FMN1: variants seen among roughly 807,000 people sequenced by gnomAD.
FMN1 encodes the protein formin 1.
Under a neutral mutation model 132.4 loss-of-function variants are expected in FMN1, and 110 were observed. That is an observed-to-expected ratio of 0.83 (90% CI 0.71 to 0.97). The LOEUF (loss-of-function observed/expected upper bound fraction) is 0.97. Ranked by LOEUF, FMN1 falls within the 50% of genes least tolerant of loss-of-function variation. FMN1 has a pLI of 0.00. For missense variants in FMN1, 1,792 were observed against 1,705.3 expected (o/e 1.05, Z -0.90); for synonymous variants, 722 against 651.7 (o/e 1.11, Z -1.64).
chr15:33,079,377 G>T (rs539468666), intron 5 of FMN1, among the ~76,000 whole-genome samples: 1 of 152,146 alleles, frequency 6.6e-6, no homozygotes, highest in South Asian at 2.1e-4. Context: ...ATCCCAGCAC[G>T]CAGGAAGGCT....
chr15:32,938,295 G>A (rs1669385366), intron 9 of FMN1, among the ~76,000 whole-genome samples: 1 of 152,068 alleles, frequency 6.6e-6, no homozygotes, highest in African/African-American at 2.4e-5. Flanking sequence ...TTGAGAGGTC[G>A]AGGTGGGTGG....
intron 7 of FMN1, 59 bp downstream of exon 7, chr15:33,007,955 T>C (rs1032904867): frequency 6.4e-6 from 9 of 1,405,680 alleles, no homozygotes; most frequent in African/African-American, 1.4e-5. Flanking sequence ...TACTTCAGCA[T>C]AGGAGAAAAC....
intron 4 of FMN1, among the ~76,000 whole-genome samples, chr15:33,136,142 C>G (rs144006965): frequency 6.6e-6 from 1 of 152,292 alleles, no homozygotes; most frequent in African/African-American, 2.4e-5. Context: ...GAAATTATCC[C>G]CATGACATCA....
chr15:33,034,723 C>A (rs1014368219), intron 6 of FMN1, among the ~76,000 whole-genome samples: 20 of 152,186 alleles, frequency 1.3e-4, no homozygotes, highest in Non-Finnish European at 1.9e-4. Context: ...CAAGCCACCA[C>A]CTCCTGTGCA....
chr15:33,031,858 T>C (rs2169938), intron 6 of FMN1, among the ~76,000 whole-genome samples: 41,349 of 152,166 alleles, frequency 0.27, 5,846 homozygotes, highest in Non-Finnish European at 0.31. Flanking sequence ...TGAACAAATG[T>C]TCAACCTTGT....
chr15:33,039,376 G>A (rs1211612186), intron 6 of FMN1, among the ~76,000 whole-genome samples: 1 of 152,152 alleles, frequency 6.6e-6, no homozygotes, highest in Non-Finnish European at 1.5e-5. Flanking sequence ...AGAGACCCTG[G>A]TAGAATAGCA....
intron 16 of FMN1, among the ~76,000 whole-genome samples, chr15:32,864,292 C>G (rs2059343418): frequency 6.6e-6 from 1 of 152,204 alleles, no homozygotes; most frequent in South Asian, 2.1e-4. Flanking sequence ...AGTGGTATTA[C>G]TGGAAATCAC....
chr15:32,882,403 T>G (rs2059792581), intron 16 of FMN1, among the ~76,000 whole-genome samples: 1 of 152,152 alleles, frequency 6.6e-6, no homozygotes, highest in Non-Finnish European at 1.5e-5. Context: ...TGTAAGCAAA[T>G]TTGCTGGTAT....
At chr15:33,050,212 A>G (rs1206897479) in intron 6 of FMN1, among the ~76,000 whole-genome samples, 2 of 152,230 alleles carry the variant, frequency 1.3e-5, no homozygotes, top group Non-Finnish European at 2.9e-5. Flanking sequence ...TATGTTTATC[A>G]GAACATAACC....
At chr15:32,811,767 C>T (rs145782729) in intron 17 of FMN1, among the ~76,000 whole-genome samples, 2,927 of 151,846 alleles carry the variant, frequency 0.019, 102 homozygotes, top group African/African-American at 0.066. Context: ...TGGGTTCAAG[C>T]GATTCTCCTG....
chr15:32,788,195 G>T (rs1211855000), intron 19 of FMN1, among the ~76,000 whole-genome samples: 2 of 152,210 alleles, frequency 1.3e-5, no homozygotes, highest in Non-Finnish European at 2.9e-5. Context: ...ATCAGTTAAA[G>T]CCAATCACTC....
intron 18 of FMN1, among the ~76,000 whole-genome samples, chr15:32,802,396 G>A (rs6494692): frequency 7.9e-5 from 12 of 152,106 alleles, no homozygotes; most frequent in Non-Finnish European, 1.5e-4. Flanking sequence ...AAGCAAATAT[G>A]CCTTAGCCTC....
At chr15:32,994,464 T>TC (rs1353709507) in intron 7 of FMN1, among the ~76,000 whole-genome samples, 1 of 152,176 alleles carries the variant, frequency 6.6e-6, no homozygotes, top group Non-Finnish European at 1.5e-5. Context: ...AAAGGTCAGT[T>TC]CCTAAGAGTA....
intron 19 of FMN1, among the ~76,000 whole-genome samples, chr15:32,779,732 T>C (rs759255410): frequency 1.3e-5 from 2 of 152,192 alleles, no homozygotes; most frequent in Non-Finnish European, 2.9e-5. Flanking sequence ...ACCTACTGTA[T>C]TTGAATTAAA....
chr15:33,171,631 A>G (rs1965324572), intron 3 of FMN1, among the ~76,000 whole-genome samples: 1 of 152,186 alleles, frequency 6.6e-6, no homozygotes, highest in Non-Finnish European at 1.5e-5. Flanking sequence ...TGGAGGAAAA[A>G]TGAACTATGG....
intron 19 of FMN1, among the ~76,000 whole-genome samples, chr15:32,785,410 G>A (rs979359768): frequency 5.3e-5 from 8 of 151,146 alleles, no homozygotes; most frequent in African/African-American, 1.5e-4. Flanking sequence ...GATGACTGGC[G>A]TCTGGACACA....
chr15:32,886,612 G>T (rs377647725), intron 16 of FMN1, among the ~76,000 whole-genome samples: 3 of 152,184 alleles, frequency 2.0e-5, no homozygotes, highest in East Asian at 1.9e-4. Flanking sequence ...CCTGGAAGGA[G>T]AAGGGAAAAG....
intron 5 of FMN1, among the ~76,000 whole-genome samples, chr15:33,073,779 G>C (rs1012446734): frequency 6.7e-6 from 1 of 149,496 alleles, no homozygotes; most frequent in African/African-American, 2.5e-5. Flanking sequence ...TACCCAGGCT[G>C]AAGTACAGTG....
chr15:32,901,786 T>G, intron 13 of FMN1, 125 bp downstream of exon 13: 1 of 683,722 alleles, frequency 1.5e-6, no homozygotes, highest in Admixed American at 3.8e-5. Context: ...TCATCAAATT[T>G]ACACTTAGAA....
Sources: gnomAD v4.1 joint callset for allele counts (sites outside exome capture counted in the v4.1 genomes callset) on GRCh38, gnomAD v4.1.1 for gene constraint, MANE v1.5 for transcripts, NCBI Gene and HGNC (gene_info 2026-07-23, HGNC 2026-07-21) for gene names.